The following FMN1 variants were observed in gnomAD, a reference collection of about 807,000 sequenced individuals.
FMN1 encodes formin 1, also known as formin-1.
In FMN1, 110 loss-of-function variants were observed where a neutral mutation model predicts 132.4. That is an observed-to-expected ratio of 0.83 (90% CI 0.71 to 0.97). The LOEUF is 0.97. Among genes scored for constraint, FMN1 ranks in the 50% least tolerant of loss-of-function variants. The pLI, the probability that FMN1 is intolerant of heterozygous loss-of-function variation, is 0.00. For missense variants in FMN1, 1,792 were observed against 1,705.3 expected (o/e 1.05, Z -0.90); for synonymous variants, 722 against 651.7 (o/e 1.11, Z -1.64).
intron 6 of FMN1, among the ~76,000 whole-genome samples, chr15:33,060,857 T>C (rs2037449886): frequency 6.6e-6 from 1 of 152,256 alleles, no homozygotes; most frequent in South Asian, 2.1e-4. Context: ...GTTCCCTAAA[T>C]GTTATCATTT....
intron 10 of FMN1, among the ~76,000 whole-genome samples, chr15:32,916,075 C>T (rs1298102686): frequency 2.0e-5 from 3 of 152,258 alleles, no homozygotes; most frequent in African/African-American, 2.4e-5. Flanking sequence ...AGTAGTGTTT[C>T]GCCCATTAAG....
chr15:33,153,520 A>C lies in FMN1; in HGVS notation c.1395T>G (p.Gly465=). 6.5e-7 allele frequency: 1 copy of C among 1,536,388 alleles called. No homozygotes were observed. The highest frequency in any genetic ancestry group is 8.7e-7 in the Non-Finnish European group (1 of 1,146,976). ...GATCCAGAAACAAGGACTTGTGGCCACCAAGGGGCAACCCGGCTCTCCTCT... is the reference window on the plus strand; with the variant it reads ...GATCCAGAAACAAGGACTTGTGGCCCCCAAGGGGCAACCCGGCTCTCCTCT... The part of the protein sequence containing the change: ...RNKRRAGLPL[G]GHKSLFLDLP... The change falls in exon 4 of 21, where the codon GGT becomes GGG. Residue 465 remains glycine (G), a synonymous_variant. Coordinates refer to ENST00000616417, the MANE Select transcript of FMN1 (RefSeq NM_001277313.2).
intron 2 of FMN1, among the ~76,000 whole-genome samples, chr15:33,189,148 G>C (rs1265648345): frequency 6.6e-6 from 1 of 152,140 alleles, no homozygotes; most frequent in African/African-American, 2.4e-5. Context: ...CTTAACACAA[G>C]GCCAGTACCT....
At chr15:33,073,923 G>T (rs1248936886) in intron 5 of FMN1, among the ~76,000 whole-genome samples, 4 of 152,074 alleles carry the variant, frequency 2.6e-5, no homozygotes, top group Non-Finnish European at 5.9e-5. Context: ...TAGAGACGGG[G>T]TTTCACCATG....
At chr15:32,968,296 GT>G (rs2031437008) in intron 8 of FMN1, among the ~76,000 whole-genome samples, 1 of 152,140 alleles carries the variant, frequency 6.6e-6, no homozygotes, top group South Asian at 2.1e-4. Context: ...AGATTATAGG[GT>G]TGATTATAGT....
At chr15:32,814,514 C>T (rs2057990983) in intron 17 of FMN1, among the ~76,000 whole-genome samples, 1 of 152,090 alleles carries the variant, frequency 6.6e-6, no homozygotes, top group Non-Finnish European at 1.5e-5. Context: ...ACAGCAGACA[C>T]CATTTAGGAA....
At chr15:33,028,603 ACT>A (rs1429160015) in intron 6 of FMN1, among the ~76,000 whole-genome samples, 1 of 152,218 alleles carries the variant, frequency 6.6e-6, no homozygotes, top group Non-Finnish European at 1.5e-5. Flanking sequence ...TACTGGCAAA[ACT>A]CAAGATAATC....
At chr15:32,779,162 G>T (rs1273706037) in intron 19 of FMN1, among the ~76,000 whole-genome samples, 1 of 152,188 alleles carries the variant, frequency 6.6e-6, no homozygotes, top group Non-Finnish European at 1.5e-5. Flanking sequence ...TGGGGAAAAT[G>T]GGGAGTTATT....
intron 6 of FMN1, among the ~76,000 whole-genome samples, chr15:33,020,859 G>C (rs531379679): frequency 1.1e-3 from 166 of 152,204 alleles, no homozygotes; most frequent in Middle Eastern, 3.4e-3. Context: ...TTTCTTAAAA[G>C]ACTTTATTGT....
chr15:33,093,552 T>C (rs1353378418), intron 4 of FMN1, among the ~76,000 whole-genome samples: 1 of 152,234 alleles, frequency 6.6e-6, no homozygotes, highest in African/African-American at 2.4e-5. Context: ...TGCTCACTAA[T>C]GCAACTGCCC....
chr15:32,965,809 C>G (rs1022129954), intron 8 of FMN1, among the ~76,000 whole-genome samples: 1 of 152,144 alleles, frequency 6.6e-6, no homozygotes, highest in Non-Finnish European at 1.5e-5. Flanking sequence ...TAAAGTATAA[C>G]AATAGAATGA....
intron 9 of FMN1, among the ~76,000 whole-genome samples, chr15:32,956,993 C>T (rs545285890): frequency 2.3e-4 from 35 of 152,218 alleles, no homozygotes; most frequent in African/African-American, 8.2e-4. Context: ...CTTTTGGCAC[C>T]ACAAAATTTC....
At chr15:33,063,506 T>TCTAA (rs1566880391) in intron 6 of FMN1, 1 of 152,270 alleles carries the variant, frequency 6.6e-6, no homozygotes, top group Non-Finnish European at 1.5e-5. Context: ...TACTGCTTTT[T>TCTAA]CTAAACCCCG....
intron 7 of FMN1, among the ~76,000 whole-genome samples, chr15:32,983,750 C>T (rs919419146): frequency 6.6e-6 from 1 of 152,108 alleles, no homozygotes; most frequent in Non-Finnish European, 1.5e-5. Flanking sequence ...CTTAAAGAGA[C>T]TCAAGTGTTC....
chr15:33,185,727 C>T (rs1480886135), intron 2 of FMN1, among the ~76,000 whole-genome samples: 1 of 151,816 alleles, frequency 6.6e-6, no homozygotes, highest in Non-Finnish European at 1.5e-5. Flanking sequence ...CACGTGCCAC[C>T]ACACCCAGCT....
At chr15:33,025,075 A>C (rs75272467) in intron 6 of FMN1, among the ~76,000 whole-genome samples, 4 of 152,300 alleles carry the variant, frequency 2.6e-5, no homozygotes, top group Middle Eastern at 3.4e-3. Context: ...CATGGGATTA[A>C]TAACAATTTT....
intron 18 of FMN1, among the ~76,000 whole-genome samples, chr15:32,801,997 C>T (rs1378699064): frequency 6.6e-6 from 1 of 152,126 alleles, no homozygotes; most frequent in Non-Finnish European, 1.5e-5. Context: ...GCAATTTGGA[C>T]AAGAAAATTG....
intron 7 of FMN1, among the ~76,000 whole-genome samples, chr15:33,004,242 C>T (rs1410498522): frequency 6.6e-6 from 1 of 152,170 alleles, no homozygotes; most frequent in Non-Finnish European, 1.5e-5. Context: ...AAACCACCAT[C>T]AGAGTGAACA....
chr15:32,854,600 T>C (rs1297975915), intron 17 of FMN1, among the ~76,000 whole-genome samples: 1 of 152,190 alleles, frequency 6.6e-6, no homozygotes, highest in African/African-American at 2.4e-5. Flanking sequence ...TGATTGTCAC[T>C]TTTACCTCAT....
Sources: allele counts gnomAD v4.1 joint callset (sites outside exome capture counted in the v4.1 genomes callset), GRCh38; gene constraint gnomAD v4.1.1; transcripts MANE v1.5; gene names NCBI Gene and HGNC (gene_info 2026-07-23, HGNC 2026-07-21).